The following GPHN variants were observed in gnomAD, a reference collection of about 807,000 sequenced individuals.
GPHN encodes the protein gephyrin.
A neutral mutation model predicts 95.5 loss-of-function variants in GPHN; 17 were observed. The observed-to-expected ratio is 0.18, with a 90% CI of 0.12 to 0.27. The LOEUF (loss-of-function observed/expected upper bound fraction) is 0.27, where lower values mean the gene tolerates loss of function less well. Among genes scored for constraint, GPHN ranks in the 10% least tolerant of loss-of-function variants. The pLI, the probability that GPHN is intolerant of heterozygous loss-of-function variation, is 1.00. For synonymous variants in GPHN, 320 were observed against 322.5 expected, an observed-to-expected ratio of 0.99 and a Z score of 0.08; for missense variants, 660 against 978.1, an observed-to-expected ratio of 0.67 and a Z score of 4.34.
chr14:67,715,989 A>G, the GPHN span, among the ~76,000 whole-genome samples: 2 of 152,110 alleles, frequency 1.3e-5, no homozygotes, highest in Non-Finnish European at 2.9e-5. Context: ...AGGTCAAGAG[A>G]TAGAGACCAT....
intron 4 of GPHN, among the ~76,000 whole-genome samples, chr14:66,839,581 A>G (rs2061993593): frequency 1.3e-5 from 2 of 152,148 alleles, no homozygotes; most frequent in Non-Finnish European, 2.9e-5. Flanking sequence ...AGAGAATATA[A>G]TTGTTAGTTT....
chr14:67,646,020 A>G, the GPHN span, among the ~76,000 whole-genome samples: 1 of 152,234 alleles, frequency 6.6e-6, no homozygotes, highest in Non-Finnish European at 1.5e-5. Context: ...AGGGGGTAGT[A>G]ACAATAGCGA....
chr14:67,244,053 C>T, the GPHN span, among the ~76,000 whole-genome samples: 4 of 152,144 alleles, frequency 2.6e-5, no homozygotes, highest in Non-Finnish European at 5.9e-5. Flanking sequence ...TTAGATAAAC[C>T]AATAAGTTGC....
chr14:66,593,890 T>A (rs912564225), intron 1 of GPHN, among the ~76,000 whole-genome samples: 1 of 152,186 alleles, frequency 6.6e-6, no homozygotes, highest in Non-Finnish European at 1.5e-5. Flanking sequence ...TTGTCTTTCC[T>A]TATAGATAAC....
chr14:67,031,686 C>G (rs1273514537), intron 10 of GPHN, among the ~76,000 whole-genome samples: 1 of 152,144 alleles, frequency 6.6e-6, no homozygotes, highest in Non-Finnish European at 1.5e-5. Context: ...CTCAAGCAAT[C>G]CTCCTGCCTC....
chr14:67,216,348 T>C, the GPHN span, among the ~76,000 whole-genome samples: 1 of 152,124 alleles, frequency 6.6e-6, no homozygotes, highest in Non-Finnish European at 1.5e-5. Context: ...CCTCATAGAA[T>C]GAGTTAATCA....
At chr14:67,636,599 C>T in the GPHN span, among the ~76,000 whole-genome samples, 1 of 152,214 alleles carries the variant, frequency 6.6e-6, no homozygotes, top group East Asian at 1.9e-4. Flanking sequence ...TGATTTCTTC[C>T]TTACAGCCTG....
Position 66,701,237 on chromosome 14 carries a change from A to T in GPHN, c.143+20052A>T, listed in dbSNP as rs117485957. ...ATAAAAATACATCTTACAAAAATGT[A>T]TACTGTTGTGCATATTTCTCTTTTT... On this transcript the variant is annotated intron_variant, in intron 2 of 22. Transcript: ENST00000478722. Among the ~76,000 whole-genome samples, 37 of 149,104 alleles carry T rather than the reference A, an allele frequency of 2.5e-4. No homozygotes were observed. In the East Asian group the frequency reaches 7.4e-3, roughly 30 times the overall value.
chr14:67,672,885 C>T, the GPHN span, among the ~76,000 whole-genome samples: 3 of 152,232 alleles, frequency 2.0e-5, no homozygotes, highest in Middle Eastern at 3.2e-3. Flanking sequence ...CCCTGCTTAT[C>T]GCTCTCCTTT....
chr14:66,950,154 T>C (rs2068015784), intron 8 of GPHN, among the ~76,000 whole-genome samples: 1 of 152,200 alleles, frequency 6.6e-6, no homozygotes, highest in Non-Finnish European at 1.5e-5. Context: ...TTTGAGATTA[T>C]CTGGGACAAA....
chr14:67,328,079 A>G, the GPHN span, among the ~76,000 whole-genome samples: 1 of 152,158 alleles, frequency 6.6e-6, no homozygotes, highest in Non-Finnish European at 1.5e-5. Flanking sequence ...CAATGGTTGA[A>G]CTAGTTTACG....
intron 1 of GPHN, among the ~76,000 whole-genome samples, chr14:66,567,773 A>G (rs533398002): frequency 3.2e-4 from 49 of 152,290 alleles, no homozygotes; most frequent in African/African-American, 1.1e-3. Context: ...TTGTTGTAGA[A>G]TATTATGTTT....
intron 1 of GPHN, among the ~76,000 whole-genome samples, chr14:66,615,083 T>G (rs1324925505): frequency 6.6e-6 from 1 of 152,230 alleles, no homozygotes; most frequent in Non-Finnish European, 1.5e-5. Flanking sequence ...CCATGGTGTA[T>G]ACGTATCACA....
chr14:67,208,181 T>G, the GPHN span: 2 of 1,612,346 alleles, frequency 1.2e-6, no homozygotes, highest in Non-Finnish European at 1.7e-6. Flanking sequence ...CCTGATTTGC[T>G]GCTGCTTTTT....
intron 1 of GPHN, among the ~76,000 whole-genome samples, chr14:66,532,771 C>T (rs2058995600): frequency 6.6e-6 from 1 of 152,166 alleles, no homozygotes; most frequent in African/African-American, 2.4e-5. Context: ...CTTTGCTCTA[C>T]CCTGTAAGTA....
At chr14:66,837,614 A>C (rs866528536) in intron 4 of GPHN, among the ~76,000 whole-genome samples, 2 of 144,508 alleles carry the variant, frequency 1.4e-5, no homozygotes, top group Non-Finnish European at 3.0e-5. Flanking sequence ...TAAATAAATA[A>C]AAATAAATAA....
chr14:67,685,078 G>A, the GPHN span: 1 of 1,613,934 alleles, frequency 6.2e-7, no homozygotes, highest in African/African-American at 1.3e-5. Flanking sequence ...GCTGGTCTGG[G>A]CTCCCTGCTG....
At chr14:66,635,972 A>G (rs2064075829) in intron 1 of GPHN, among the ~76,000 whole-genome samples, 1 of 152,130 alleles carries the variant, frequency 6.6e-6, no homozygotes, top group Non-Finnish European at 1.5e-5. Context: ...CTCCGTCTCT[A>G]CTAAAGAAAA....
the GPHN span, among the ~76,000 whole-genome samples, chr14:67,227,006 A>G: frequency 1.3e-5 from 2 of 152,222 alleles, no homozygotes; most frequent in African/African-American, 2.4e-5. Context: ...AGATAACTCA[A>G]TATTTTACAA....
Sources: gnomAD v4.1 joint callset for allele counts (sites outside exome capture counted in the v4.1 genomes callset) on GRCh38, gnomAD v4.1.1 for gene constraint, MANE v1.5 for transcripts, NCBI Gene and HGNC (gene_info 2026-07-23, HGNC 2026-07-21) for gene names.